The following JMJD1C variants were observed in gnomAD, a reference collection of about 807,000 sequenced individuals.
The protein encoded by JMJD1C is jumonji domain containing 1C.
Under a neutral mutation model 245.3 loss-of-function variants are expected in JMJD1C, and 31 were observed. The ratio of observed to expected loss-of-function variants is 0.13; its 90% CI spans 0.09 to 0.17. JMJD1C has a LOEUF of 0.17. JMJD1C is among the 10% of genes least tolerant of loss of function. The pLI, the probability that JMJD1C is intolerant of heterozygous loss-of-function variation, is 1.00. For synonymous variants in JMJD1C, 1,057 were observed against 1,017.4 expected (o/e 1.04, Z -0.74); for missense variants, 2,691 against 3,000.2 (o/e 0.90, Z 2.41).
intron 1 of JMJD1C, among the ~76,000 whole-genome samples, chr10:63,512,505 T>TA (rs1179712602): frequency 6.6e-6 from 1 of 152,198 alleles, no homozygotes; most frequent in Non-Finnish European, 1.5e-5. Flanking sequence ...CTCTCAACAC[T>TA]AAATATTTCA....
At chr10:63,169,418 T>A (rs1395702092) in intron 24 of JMJD1C, among the ~76,000 whole-genome samples, 1 of 152,134 alleles carries the variant, frequency 6.6e-6, no homozygotes, top group Non-Finnish European at 1.5e-5. Context: ...ATCATAAAAA[T>A]TCCTGGGAAA....
At chr10:63,425,802 G>C (rs148812219) in intron 1 of JMJD1C, among the ~76,000 whole-genome samples, 1 of 151,980 alleles carries the variant, frequency 6.6e-6, no homozygotes, top group Non-Finnish European at 1.5e-5. Flanking sequence ...CACAAAAGTT[G>C]AAACAATAAT....
At chr10:63,219,089 TTC>T (rs1564630809) in intron 4 of JMJD1C, among the ~76,000 whole-genome samples, 2 of 152,132 alleles carry the variant, frequency 1.3e-5, no homozygotes, top group African/African-American at 2.4e-5. Context: ...CACTGAAATA[TTC>T]TGTTTTTGTA....
intron 3 of JMJD1C, among the ~76,000 whole-genome samples, chr10:63,254,907 G>A (rs1853646481): frequency 6.6e-6 from 1 of 151,350 alleles, no homozygotes; most frequent in African/African-American, 2.4e-5. Context: ...AGGCTCAAGT[G>A]CAGTGGCGAG....
At chr10:63,223,027 A>G in intron 3 of JMJD1C, 1 of 1,316,948 alleles carries the variant, frequency 7.6e-7, no homozygotes, top group South Asian at 1.2e-5. Flanking sequence ...ATACTATTAA[A>G]GTATTTTTTC....
intron 1 of JMJD1C, among the ~76,000 whole-genome samples, chr10:63,489,864 T>A (rs1289710424): frequency 6.6e-6 from 1 of 152,142 alleles, no homozygotes; most frequent in Non-Finnish European, 1.5e-5. Flanking sequence ...CATGGACCAG[T>A]ACCAGTCCAT....
intron 2 of JMJD1C, chr10:63,358,882 G>T: frequency 6.5e-6 from 1 of 154,256 alleles, no homozygotes; most frequent in Middle Eastern, 2.6e-3. Context: ...GATTAGTAAC[G>T]ATCAGATTGT....
intron 3 of JMJD1C, chr10:63,222,455 G>T (rs1589197022): frequency 2.1e-6 from 2 of 966,812 alleles, no homozygotes; most frequent in East Asian, 4.8e-5. Flanking sequence ...AAATCTTGAT[G>T]AAAACAATAA....
intron 3 of JMJD1C, among the ~76,000 whole-genome samples, chr10:63,261,565 A>G (rs1182491517): frequency 1.3e-5 from 2 of 151,670 alleles, no homozygotes; most frequent in Admixed American, 6.6e-5. Flanking sequence ...TGAGCGACAG[A>G]AAAAAAAAGA....
rs548041948 is a variant in JMJD1C at position 63,503,183 on chromosome 10, G to A, written n.113+18555C>T. ...AAAAGCTCTCAACCTAAAGGCCACA[G>A]GCCATTTTTAATACTTCCAAAATCT... On this transcript the variant is annotated intron_variant and non_coding_transcript_variant, in intron 1 of 3. Transcript: ENST00000633035. Among the ~76,000 whole-genome samples the A allele has an allele frequency of 3.3e-4, 50 of 152,198 alleles. 1 individual carries two copies. The highest frequency in any genetic ancestry group is 1.2e-3 in the African/African-American group (49 of 41,510).
intron 13 of JMJD1C, among the ~76,000 whole-genome samples, chr10:63,196,858 G>A (rs1400004021): frequency 2.6e-5 from 4 of 152,108 alleles, no homozygotes; most frequent in African/African-American, 9.7e-5. Context: ...GTGCAATGGG[G>A]CAATCACAGT....
intron 2 of JMJD1C, among the ~76,000 whole-genome samples, chr10:63,304,629 GAAT>G (rs2134007718): frequency 6.6e-6 from 1 of 152,274 alleles, no homozygotes; most frequent in Admixed American, 6.5e-5. Flanking sequence ...TCTGTCCCAA[GAAT>G]AATAATTATG....
chr10:63,314,788 T>C (rs1189000168), intron 2 of JMJD1C, among the ~76,000 whole-genome samples: 6 of 151,826 alleles, frequency 4.0e-5, no homozygotes, highest in Admixed American at 1.3e-4. Flanking sequence ...GCTGGGATTA[T>C]AGGCATGCAC....
At chr10:63,267,687 T>C (rs1855759928) in intron 2 of JMJD1C, among the ~76,000 whole-genome samples, 1 of 152,128 alleles carries the variant, frequency 6.6e-6, no homozygotes, top group Non-Finnish European at 1.5e-5. Flanking sequence ...AAAATGAAAA[T>C]TACTAACACT....
Position 63,217,299 on chromosome 10 carries a change from CT to C in JMJD1C, c.585del (p.Val196TyrfsTer14). On this transcript the variant is annotated frameshift_variant, in exon 5 of 26. Coordinates refer to ENST00000399262, the MANE Select transcript of JMJD1C (RefSeq NM_032776.3). LOFTEE classifies it high-confidence loss of function. Reference sequence around the variant, plus strand: ...TGGGTGGCAGAGTCTTGTCTATATACTCTCACTCTGTATCCATTTAAGGAAT... The same window carrying C: ...TGGGTGGCAGAGTCTTGTCTATATACCTCACTCTGTATCCATTTAAGGAAT... ...GPYSLNGYRV[R>X]VYRQDSATQW... The C allele has an allele frequency of 6.2e-7, 1 of 1,606,782 alleles. No homozygotes were observed. Among genetic ancestry groups the C allele is most frequent in the East Asian group, 2.2e-5 (1 of 44,690 alleles).
intron 2 of JMJD1C, among the ~76,000 whole-genome samples, chr10:63,312,047 G>A (rs972861130): frequency 6.7e-6 from 1 of 148,374 alleles, no homozygotes; most frequent in Admixed American, 6.7e-5. Flanking sequence ...ATTCTTCATA[G>A]TAAGTAATAC....
At chr10:63,215,214 TTTTTG>T (rs770590004) in intron 7 of JMJD1C, 44 bp downstream of exon 7, 74 of 1,541,634 alleles carry the variant, frequency 4.8e-5, no homozygotes, top group Admixed American at 1.2e-4. Context: ...TTAAAATGTA[TTTTTG>T]TTTTATTTGT....
At chr10:63,244,753 A>T (rs1851947304) in intron 3 of JMJD1C, among the ~76,000 whole-genome samples, 1 of 146,426 alleles carries the variant, frequency 6.8e-6, no homozygotes, top group South Asian at 2.2e-4. Flanking sequence ...AGTGAGCTAC[A>T]ATCACGCCAC....
chr10:63,228,686 G>A (rs1480758513), intron 3 of JMJD1C, among the ~76,000 whole-genome samples: 1 of 152,096 alleles, frequency 6.6e-6, no homozygotes, highest in African/African-American at 2.4e-5. Flanking sequence ...ATATACTAAT[G>A]CAATTTGATC....
Sources: gnomAD v4.1 joint callset for allele counts (sites outside exome capture counted in the v4.1 genomes callset) on GRCh38, gnomAD v4.1.1 for gene constraint, MANE v1.5 for transcripts, NCBI Gene and HGNC (gene_info 2026-07-23, HGNC 2026-07-21) for gene names.